The following CSMD1 variants were observed in gnomAD, a reference collection of about 807,000 sequenced individuals.
CSMD1 encodes the protein CUB and Sushi multiple domains 1.
Under a neutral mutation model 417.5 loss-of-function variants are expected in CSMD1, and 213 were observed. The ratio of observed to expected loss-of-function variants is 0.51; its 90% CI spans 0.46 to 0.57. The LOEUF is 0.57. Among genes scored for constraint, CSMD1 ranks in the 20% least tolerant of loss-of-function variants. The pLI, the probability that CSMD1 is intolerant of heterozygous loss-of-function variation, is 0.00. For missense variants in CSMD1, 6,923 were observed against 4,529.7 expected (o/e 1.53, Z -15.17); for synonymous variants, 2,862 against 1,736.8 (o/e 1.65, Z -16.11).
chr8:4,412,015 T>TGC (rs1796677647), intron 3 of CSMD1, among the ~76,000 whole-genome samples: 1 of 151,474 alleles, frequency 6.6e-6, no homozygotes, highest in Non-Finnish European at 1.5e-5. Context: ...TGTGTGTGTG[T>TGC]GTAGCCAGGG....
At position 3,118,538 on chromosome 8, in the gene CSMD1, G is replaced by A. The variant is rs748094979; in HGVS notation, c.6291C>T (p.Tyr2097=). Reference sequence around the variant, plus strand: ...CCACGCTGTAATCCGAGTTGATCATGTACCCATTCTGAAATGGGGGTGGAT... The same window carrying A: ...CCACGCTGTAATCCGAGTTGATCATATACCCATTCTGAAATGGGGGTGGAT... The part of the protein sequence containing the change: ...CPDPPPFQNG[Y]MINSDYSVGQ... The change falls in exon 42 of 70, where the codon TAC becomes TAT. Residue 2097 remains tyrosine (Y), a synonymous_variant. Transcript: ENST00000635120. 5.6e-6 allele frequency: 9 copies of A among 1,613,856 alleles called. No homozygotes were observed. The Admixed American group carries it at 1.5e-4, about 27-fold the overall frequency.
At chr8:4,323,797 A>T (rs895170349) in intron 3 of CSMD1, among the ~76,000 whole-genome samples, 3 of 152,122 alleles carry the variant, frequency 2.0e-5, no homozygotes, top group African/African-American at 7.2e-5. Flanking sequence ...GACTTATTGA[A>T]CCATAAAGGA....
chr8:4,019,754 A>G (rs1796697596), intron 4 of CSMD1, among the ~76,000 whole-genome samples: 1 of 151,924 alleles, frequency 6.6e-6, no homozygotes, highest in South Asian at 2.1e-4. Flanking sequence ...TAGTTTTCCC[A>G]ATATTTCTGT....
intron 3 of CSMD1, among the ~76,000 whole-genome samples, chr8:4,059,218 G>C (rs182811157): frequency 4.5e-4 from 69 of 152,254 alleles, no homozygotes; most frequent in Middle Eastern, 6.8e-3. Context: ...AATGAAGGCA[G>C]AAATAAAGAT....
At chr8:3,865,723 C>T (rs1415307860) in intron 5 of CSMD1, among the ~76,000 whole-genome samples, 1 of 152,166 alleles carries the variant, frequency 6.6e-6, no homozygotes, top group African/African-American at 2.4e-5. Context: ...AACAAAATCT[C>T]CATTCACAGC....
In CSMD1 at chr8:3,740,619, G is replaced by A. The variant is rs192416982; in HGVS notation, c.931+13311C>T. ...AGCAGGGGCTGAGGTAGTGTGATTT[G>A]ATGCTGGTAAAGAGACAAATGTAGG... is the stretch of plus-strand genomic sequence containing the variant. On this transcript the variant is annotated intron_variant, in intron 6 of 69. Transcript: ENST00000635120. Among the ~76,000 whole-genome samples, 338 of 152,292 alleles carry A rather than the reference G, an allele frequency of 2.2e-3. 10 individuals carry two copies. Among genetic ancestry groups the A allele is most frequent in the Non-Finnish European group, 2.4e-4 (16 of 68,018 alleles).
chr8:4,467,577 A>G (rs1279164302), intron 2 of CSMD1, among the ~76,000 whole-genome samples: 3 of 152,310 alleles, frequency 2.0e-5, no homozygotes, highest in Non-Finnish European at 2.9e-5. Context: ...TAAGAAACAA[A>G]TATTTTCTCC....
chr8:3,988,308 G>C (rs897673641), intron 5 of CSMD1, among the ~76,000 whole-genome samples: 2 of 152,186 alleles, frequency 1.3e-5, no homozygotes, highest in African/African-American at 4.8e-5. Flanking sequence ...TTTCAACAGA[G>C]ACAAAAGAGC....
intron 5 of CSMD1, among the ~76,000 whole-genome samples, chr8:3,973,735 C>T (rs1160233636): frequency 2.0e-5 from 3 of 152,300 alleles, no homozygotes; most frequent in South Asian, 2.1e-4. Context: ...GTGGCTATTT[C>T]ATTGATACAC....
intron 2 of CSMD1, among the ~76,000 whole-genome samples, chr8:4,499,471 T>A (rs7017847): frequency 0.025 from 3,818 of 152,266 alleles, 151 homozygotes; most frequent in East Asian, 0.082. Context: ...ATTCTGAAGG[T>A]CCTGCTTGGT....
intron 25 of CSMD1, among the ~76,000 whole-genome samples, chr8:3,297,966 T>C (rs1173970931): frequency 6.6e-6 from 1 of 152,096 alleles, no homozygotes; most frequent in Non-Finnish European, 1.5e-5. Context: ...TAAAAGAGGA[T>C]ATTCAAAAGG....
intron 26 of CSMD1, among the ~76,000 whole-genome samples, chr8:3,267,894 A>C (rs1801549501): frequency 6.6e-6 from 1 of 152,082 alleles, no homozygotes; most frequent in African/African-American, 2.4e-5. Flanking sequence ...GTCCTAACTC[A>C]CTGGGGTGGG....
At chr8:4,631,768 C>A (rs1220705098) in intron 2 of CSMD1, among the ~76,000 whole-genome samples, 1 of 152,184 alleles carries the variant, frequency 6.6e-6, no homozygotes, top group African/African-American at 2.4e-5. Context: ...TCACCTCTAA[C>A]CTCTTCATTA....
intron 3 of CSMD1, among the ~76,000 whole-genome samples, chr8:4,036,624 G>A (rs576817352): frequency 5.9e-5 from 9 of 152,254 alleles, no homozygotes; most frequent in South Asian, 2.1e-4. Context: ...TAGAAGCAGC[G>A]GATGTCAAAG....
chr8:3,674,069 G>T (rs915527624), intron 7 of CSMD1, among the ~76,000 whole-genome samples: 1 of 152,106 alleles, frequency 6.6e-6, no homozygotes, highest in Non-Finnish European at 1.5e-5. Context: ...TAATGTCATT[G>T]CACTCCAGCT....
intron 3 of CSMD1, among the ~76,000 whole-genome samples, chr8:4,236,026 GTTTTTTTTGTTTGTTTTTTT>G (rs1802027085): frequency 1.8e-5 from 2 of 108,130 alleles, no homozygotes; most frequent in African/African-American, 8.4e-5. Flanking sequence ...AATGGATATT[GTTTTTTTTGTTTGTTTTTTT>G]TTTTTTTTTT....
In CSMD1 at chr8:3,055,200, G is replaced by A. The variant is rs541546015; in HGVS notation, c.7475-2553C>T. Among the ~76,000 whole-genome samples, 77 of 152,238 alleles carry A rather than the reference G, an allele frequency of 5.1e-4. 1 individual carries two copies. Among genetic ancestry groups the A allele is most frequent in the Non-Finnish European group, 9.3e-4 (63 of 68,022 alleles). ...CCCCATCACAAAACAATTCATACTCGGGAGACCAAAGCAGAAGATCTTTAT... is the reference window on the plus strand; with the variant it reads ...CCCCATCACAAAACAATTCATACTCAGGAGACCAAAGCAGAAGATCTTTAT... On this transcript the variant is annotated intron_variant, in intron 49 of 69. Transcript: ENST00000635120.
chr8:3,468,892 A>T (rs1816931363), intron 11 of CSMD1, 68 bp from the exon 12 acceptor site: 1 of 1,054,708 alleles, frequency 9.5e-7, no homozygotes, highest in Non-Finnish European at 1.4e-6. Context: ...ACCTGAAAGG[A>T]GGGTCTTGCT....
chr8:4,120,529 A>ATT (rs1263313385), intron 3 of CSMD1, among the ~76,000 whole-genome samples: 192 of 152,296 alleles, frequency 1.3e-3, no homozygotes, highest in African/African-American at 4.5e-3. Context: ...TATATTTGGC[A>ATT]TCTTCTGGCG....
Sources: gnomAD v4.1 joint callset for allele counts (sites outside exome capture counted in the v4.1 genomes callset) on GRCh38, gnomAD v4.1.1 for gene constraint, MANE v1.5 for transcripts, NCBI Gene and HGNC (gene_info 2026-07-23, HGNC 2026-07-21) for gene names.